Variants in DHX9 observed in about 807,000 individuals in gnomAD.
DHX9 encodes ATP-dependent RNA helicase A.
In DHX9, 27 loss-of-function variants were observed where a neutral mutation model predicts 148.7. That is an observed-to-expected ratio of 0.18 (90% CI 0.13 to 0.25). The LOEUF (loss-of-function observed/expected upper bound fraction) is 0.25, where lower values mean the gene tolerates loss of function less well. Ranked by LOEUF, DHX9 falls within the 10% of genes least tolerant of loss-of-function variation. DHX9 has a pLI of 1.00. For synonymous variants in DHX9, 529 were observed against 516.6 expected (o/e 1.02, Z -0.33); for missense variants, 796 against 1,559.6 (o/e 0.51, Z 8.25).
chr1:182,877,797 G>A, intron 19 of DHX9: 2 of 515,552 alleles, frequency 3.9e-6, no homozygotes, highest in Non-Finnish European at 6.7e-6. Flanking sequence ...GGCCAAGGCA[G>A]TTCAGCTGAT....
Position 182,887,513 on chromosome 1 carries a change from G to C in DHX9, c.*79G>C, listed in dbSNP as rs1470140246. The C allele has an allele frequency of 5.3e-6, 7 of 1,312,604 alleles. No homozygotes were observed. The East Asian group carries it at 1.2e-4, about 22-fold the overall frequency. 81.3% of individuals were successfully genotyped at this position (1,312,604 alleles called of 1,614,324 possible). A position where few individuals can be genotyped will look rare whatever the true frequency, so the allele number is the denominator to read the frequency against. On this transcript the variant is annotated 3_prime_UTR_variant, in exon 28 of 28. Coordinates refer to ENST00000367549, the MANE Select transcript of DHX9 (RefSeq NM_001357.5). Reference sequence around the variant, plus strand: ...ATGTGTTACGTGTTTTTTCCAGTATGTTTATTTGCCACCAAAAAGTAAATG... The same window carrying C: ...ATGTGTTACGTGTTTTTTCCAGTATCTTTATTTGCCACCAAAAAGTAAATG...
In DHX9 at chr1:182,856,547, A is replaced by G. The variant is rs376637743; in HGVS notation, c.642A>G (p.Glu214=). The change falls in exon 7 of 28, where the codon GAA becomes GAG. Residue 214 remains glutamate (E), a synonymous_variant. Transcript: ENST00000367549. ...GPDHNRSFIA[E]MTIYIKQLGR... ...GTTGTTACAGGAGCTTTATTGCAGA[A>G]ATGACCATTTATATCAAGCAGCTGG... 2 of 1,613,862 alleles carry G rather than the reference A, an allele frequency of 1.2e-6. No individual in the cohort carries two copies. Among genetic ancestry groups the G allele is most frequent in the African/African-American group, 2.7e-5 (2 of 74,914 alleles).
chr1:182,853,443 T>A, intron 5 of DHX9, 25 bp downstream of exon 5: 1 of 1,543,150 alleles, frequency 6.5e-7, no homozygotes, highest in Non-Finnish European at 8.9e-7. Flanking sequence ...GTAGGTTACA[T>A]CTCTGAGAAT....
intron 13 of DHX9, 29 bp from the exon 14 acceptor site, chr1:182,866,932 A>C: frequency 6.4e-7 from 1 of 1,567,960 alleles, no homozygotes; most frequent in Non-Finnish European, 8.7e-7. Flanking sequence ...GAACTTTTCT[A>C]TAGTTTATTG....
At chr1:182,879,054 G>A (rs1020142030) in intron 20 of DHX9, among the ~76,000 whole-genome samples, 196 bp from the exon 21 acceptor site, 1 of 152,234 alleles carries the variant, frequency 6.6e-6, no homozygotes, top group Non-Finnish European at 1.5e-5. Flanking sequence ...GTGAGGATAA[G>A]TCAGAAACCA....
chr1:182,853,413 C>G lies in DHX9; in HGVS notation c.472C>G (p.Gln158Glu). Residue 158 changes from glutamine to glutamate, a missense_variant, in exon 5 of 28, where the codon CAA (glutamine) becomes GAA (glutamate). Physicochemically the swap from Gln to Glu is conservative, Grantham distance 29. Around this residue, in one of 14 missense-constraint regions of DHX9, gnomAD observed 46 missense variants for 136.3 expected, o/e 0.34. Coordinates refer to ENST00000367549, the MANE Select transcript of DHX9 (RefSeq NM_001357.5). ...CTCAAGAAAGGAAGAACAAGAAGTG[C>G]AAGCGGTAAGGCCAGCACCGTAGGT... ...YYSRKEEQEV[Q>E]ATLESEEVDL... 6.2e-7 allele frequency: 1 copy of G among 1,613,102 alleles called. No individual in the cohort carries two copies. The highest frequency in any genetic ancestry group is 8.5e-7 in the Non-Finnish European group (1 of 1,179,176).
intron 24 of DHX9, among the ~76,000 whole-genome samples, chr1:182,882,827 T>C (rs1368340186): frequency 4.1e-5 from 6 of 147,686 alleles, no homozygotes; most frequent in Non-Finnish European, 8.9e-5. Context: ...ATGGCGCCAC[T>C]GCACTCCAGC....
chr1:182,872,264 A>T, intron 14 of DHX9, 73 bp from the exon 15 acceptor site: 2 of 1,303,254 alleles, frequency 1.5e-6, no homozygotes, highest in Non-Finnish European at 2.1e-6. Flanking sequence ...TTATGGCTGT[A>T]TAACTCTTTT....
Position 182,887,425 on chromosome 1 carries a change from C to T in DHX9, c.3804C>T (p.Gly1268=), listed in dbSNP as rs973244941. The change falls in exon 28 of 28, where the codon GGC becomes GGT. Residue 1268 remains glycine, a synonymous_variant. Transcript: ENST00000367549. ...ACTTTGGACAGGGAAGAGGAGGTGG[C>T]GGCTATTAAAACTTGGTTATGTCAG... ...TGYFGQGRGG[G]GY is the part of the protein sequence containing the mutation. 1.6e-5 allele frequency: 26 copies of T among 1,611,942 alleles called. No individual in the cohort carries two copies. The highest frequency in any genetic ancestry group is 1.2e-4 in the Admixed American group (7 of 59,802).
intron 1 of DHX9, among the ~76,000 whole-genome samples, chr1:182,840,169 G>A (rs1207254646): frequency 1.3e-5 from 2 of 152,126 alleles, no homozygotes; most frequent in African/African-American, 4.8e-5. Flanking sequence ...CACTAGCCCG[G>A]GTGTGCAGTA....
At chr1:182,859,608 GT>G (rs895322719) in intron 11 of DHX9, among the ~76,000 whole-genome samples, 2 of 151,892 alleles carry the variant, frequency 1.3e-5, no homozygotes, top group South Asian at 2.1e-4. Context: ...TGGAAGTTTG[GT>G]TTTTTTGTTT....
intron 27 of DHX9, 55 bp from the exon 28 acceptor site, chr1:182,887,028 C>T (rs1649362997): frequency 2.6e-6 from 4 of 1,511,076 alleles, no homozygotes; most frequent in Non-Finnish European, 2.7e-6. Flanking sequence ...TTTGGTAAGT[C>T]GTTGGGAAAT....
At chr1:182,857,185 T>C (rs1210374155) in intron 7 of DHX9, among the ~76,000 whole-genome samples, 1 of 152,166 alleles carries the variant, frequency 6.6e-6, no homozygotes, top group African/African-American at 2.4e-5. Context: ...AATGAGTTAT[T>C]TTGAGTGGAT....
Position 182,887,734 on chromosome 1 carries a change from A to G in DHX9, c.*300A>G, listed in dbSNP as rs1649401316. On this transcript the variant is annotated 3_prime_UTR_variant, in exon 28 of 28. Coordinates refer to ENST00000367549, the MANE Select transcript of DHX9 (RefSeq NM_001357.5). ...GCTTTCGTTTAATACAATAGAAAAT[A>G]AAGTATTACACCGAATACTTGCCGT... 1 of 307,638 alleles carries G rather than the reference A, an allele frequency of 3.3e-6. No homozygotes were observed. The highest frequency in any genetic ancestry group is 6.1e-6 in the Non-Finnish European group (1 of 163,222). 19.1% of individuals were successfully genotyped at this position (307,638 alleles called of 1,614,324 possible).
chr1:182,881,787 AACACTGGT>A, intron 24 of DHX9, 140 bp downstream of exon 24: 1 of 878,846 alleles, frequency 1.1e-6, no homozygotes, highest in South Asian at 2.0e-5. Context: ...AGTTCTCGTG[AACACTGGT>A]CTAGTTCCCA....
intron 14 of DHX9, among the ~76,000 whole-genome samples, chr1:182,867,875 A>G (rs773597783): frequency 2.0e-5 from 3 of 152,230 alleles, no homozygotes; most frequent in Non-Finnish European, 4.4e-5. Flanking sequence ...CAATTAAATG[A>G]TATGAAATGA....
At chr1:182,874,412 G>T (rs1388685240) in intron 15 of DHX9, among the ~76,000 whole-genome samples, 4 of 152,210 alleles carry the variant, frequency 2.6e-5, no homozygotes, top group Admixed American at 6.5e-5. Context: ...GAGAATCTTG[G>T]GCATAATTGA....
intron 1 of DHX9, among the ~76,000 whole-genome samples, chr1:182,841,897 A>G (rs1160998181): frequency 1.3e-5 from 2 of 152,212 alleles, no homozygotes; most frequent in African/African-American, 4.8e-5. Context: ...AGAACATTTA[A>G]GTTAATAGGT....
chr1:182,842,897 CTTCCTCAGT>C (rs1667957517), intron 2 of DHX9, among the ~76,000 whole-genome samples: 1 of 152,190 alleles, frequency 6.6e-6, no homozygotes, highest in Non-Finnish European at 1.5e-5. Flanking sequence ...TCTTCCTCAG[CTTCCTCAGT>C]ACCAGTAGTG....
Sources: allele counts gnomAD v4.1 joint callset (sites outside exome capture counted in the v4.1 genomes callset), GRCh38; gene constraint gnomAD v4.1.1; regional missense constraint gnomAD v4.1.1; transcripts MANE v1.5; gene names NCBI Gene and HGNC (gene_info 2026-07-23, HGNC 2026-07-21).